The following ZNF503 variants were observed in gnomAD, a reference collection of about 807,000 sequenced individuals.
ZNF503 encodes the protein zinc finger protein 503.
A neutral mutation model predicts 34.4 loss-of-function variants in ZNF503; 15 were observed. The observed-to-expected ratio is 0.44, with a 90% CI of 0.29 to 0.67. The LOEUF (loss-of-function observed/expected upper bound fraction) is 0.67, where lower values mean the gene tolerates loss of function less well. Ranked by LOEUF, ZNF503 falls within the 30% of genes least tolerant of loss-of-function variation. ZNF503 has a pLI of 0.13. For missense variants in ZNF503, 1,007 were observed against 926.8 expected, an observed-to-expected ratio of 1.09 and a Z score of -1.12; for synonymous variants, 580 against 456.8, an observed-to-expected ratio of 1.27 and a Z score of -3.44.
the ZNF503 span, among the ~76,000 whole-genome samples, chr10:75,282,349 C>G: frequency 5.8e-4 from 88 of 152,070 alleles, no homozygotes; most frequent in Middle Eastern, 0.014. Context: ...TTTTTTAAAC[C>G]CTCTTCCCTC....
At chr10:75,351,126 T>TATCCATCAG in the ZNF503 span, among the ~76,000 whole-genome samples, 45,130 of 151,832 alleles carry the variant, frequency 0.3, 7,354 homozygotes, top group South Asian at 0.4. Flanking sequence ...AACAACCTAG[T>TATCCATCAG]ATCCATCAGA....
the ZNF503 span, among the ~76,000 whole-genome samples, chr10:75,319,175 A>G: frequency 2.0e-5 from 3 of 152,122 alleles, no homozygotes; most frequent in Admixed American, 2.0e-4. Flanking sequence ...CATGTTTCCC[A>G]GGCTGGTCTC....
Position 75,401,063 on chromosome 10 carries a change from C to G in ZNF503, c.315+42G>C, listed in dbSNP as rs767431265. ...AAAAAGAAAGCCCTAGGGTGGCAGC[C>G]AGGGTAGTGGTCCCAGTGCGATCCA... On this transcript the variant is annotated intron_variant, in intron 1 of 1. Coordinates refer to ENST00000372524, the MANE Select transcript of ZNF503 (RefSeq NM_032772.6). 1.9e-6 allele frequency: 3 copies of G among 1,612,938 alleles called. No homozygotes were observed. In the South Asian group the frequency reaches 3.3e-5, roughly 18 times the overall value.
chr10:75,392,352 T>TGAG, the ZNF503 span, among the ~76,000 whole-genome samples: 1 of 152,230 alleles, frequency 6.6e-6, no homozygotes, highest in African/African-American at 2.4e-5. Flanking sequence ...AACCCAAGTG[T>TGAG]CCTGGTCCCT....
At chr10:75,383,169 G>A in the ZNF503 span, among the ~76,000 whole-genome samples, 2 of 152,162 alleles carry the variant, frequency 1.3e-5, no homozygotes, top group African/African-American at 4.8e-5. Context: ...AGAAGGTTGG[G>A]CTTTTACACA....
rs921892290 is a variant in ZNF503 at position 75,398,468 on chromosome 10, C to A, written c.*281G>T. On this transcript the variant is annotated 3_prime_UTR_variant, in exon 2 of 2. Coordinates refer to ENST00000372524, the MANE Select transcript of ZNF503 (RefSeq NM_032772.6). ...GATGCAGTCCTCAGATGAACACTTTCTCAATTATTTTTTCCTTTTTTTTTC... is the reference window on the plus strand; with the variant it reads ...GATGCAGTCCTCAGATGAACACTTTATCAATTATTTTTTCCTTTTTTTTTC... The A allele has an allele frequency of 1.3e-4, 42 of 330,154 alleles. No homozygotes were observed. The highest frequency in any genetic ancestry group is 2.0e-4 in the Non-Finnish European group (36 of 183,606). The allele number at this position is 330,154 out of a possible 1,614,324, so 20.5% of individuals were successfully genotyped here.
At chr10:75,296,248 GC>G in the ZNF503 span, 3 of 152,420 alleles carry the variant, frequency 2.0e-5, no homozygotes, top group East Asian at 5.8e-4. Context: ...TAGTTGTCCA[GC>G]CCCTGGGAGG....
chr10:75,317,475 C>T, the ZNF503 span, among the ~76,000 whole-genome samples: 52 of 149,968 alleles, frequency 3.5e-4, no homozygotes, highest in African/African-American at 7.6e-4. Context: ...TTAGAAGAGA[C>T]GGGGTTTCAC....
the ZNF503 span, among the ~76,000 whole-genome samples, chr10:75,321,638 G>A: frequency 2.0e-5 from 3 of 152,194 alleles, no homozygotes; most frequent in Admixed American, 6.5e-5. Context: ...AGAACTTGGA[G>A]GCATTGTGCC....
At chr10:75,330,788 A>C in the ZNF503 span, among the ~76,000 whole-genome samples, 1 of 151,860 alleles carries the variant, frequency 6.6e-6, no homozygotes, top group African/African-American at 2.4e-5. Flanking sequence ...TTATGTTTTT[A>C]AAAAACAAAT....
At chr10:75,295,759 A>G in the ZNF503 span, 1 of 152,220 alleles carries the variant, frequency 6.6e-6, no homozygotes, top group African/African-American at 2.4e-5. The surrounding 1 kb of genome is among the most constrained non-coding windows in gnomAD (Gnocchi z 4.0). Context: ...AGCCAGCATA[A>G]CACATGTTGT....
the ZNF503 span, among the ~76,000 whole-genome samples, chr10:75,361,891 C>T: frequency 6.6e-6 from 1 of 152,154 alleles, no homozygotes; most frequent in Admixed American, 6.5e-5. Context: ...AAAGGGGTTC[C>T]TGGGAAGGAA....
At chr10:75,361,524 A>G in the ZNF503 span, 1 of 152,178 alleles carries the variant, frequency 6.6e-6, no homozygotes, top group Non-Finnish European at 1.5e-5. Flanking sequence ...GGGGTCTTCA[A>G]TACCTCTAGC....
chr10:75,401,278 A>ACGAGCCTGGGCCGGGGC lies in ZNF503; in HGVS notation c.125_141dup (p.Ser48AlafsTer36), dbSNP rs781534277. The ACGAGCCTGGGCCGGGGC allele has an allele frequency of 1.9e-6, 3 of 1,585,486 alleles. No homozygotes were observed. Among genetic ancestry groups the ACGAGCCTGGGCCGGGGC allele is most frequent in the South Asian group, 1.1e-5 (1 of 88,298 alleles). ...AAAGGCTTGGTGCTGCCGGCCGGGG[A>ACGAGCCTGGGCCGGGGC]CGAGCCTGGGCCGGGGCCGGAGCTA... is the stretch of plus-strand genomic sequence containing the variant. On this transcript the variant is annotated frameshift_variant, in exon 1 of 2. Transcript: ENST00000372524. LOFTEE classifies it high-confidence loss of function.
downstream of ZNF503, among the ~76,000 whole-genome samples, chr10:75,396,810 T>C (rs576895304): frequency 6.6e-6 from 1 of 152,086 alleles, no homozygotes; most frequent in Non-Finnish European, 1.5e-5. This position sits in a 1 kb window ranked among gnomAD's most constrained non-coding sequence, Gnocchi z 4.4. Context: ...GCCTGGAGCG[T>C]CTGGGAGGGG....
the ZNF503 span, among the ~76,000 whole-genome samples, chr10:75,316,350 CTTTT>C: frequency 1.4e-5 from 2 of 144,578 alleles, no homozygotes; most frequent in Non-Finnish European, 3.1e-5. Context: ...TTTTCTTTTC[CTTTT>C]TTTTTTTTTC....
At chr10:75,289,786 G>A in the ZNF503 span, among the ~76,000 whole-genome samples, 16 of 152,100 alleles carry the variant, frequency 1.1e-4, no homozygotes, top group Middle Eastern at 6.8e-3. Context: ...GGCTATGCTC[G>A]AACTCCCAGC....
chr10:75,334,507 C>T, the ZNF503 span, among the ~76,000 whole-genome samples: 1 of 152,256 alleles, frequency 6.6e-6, no homozygotes, highest in African/African-American at 2.4e-5. Context: ...AATTATAGTG[C>T]AGATTTGAGG....
chr10:75,382,655 A>G, the ZNF503 span: 1 of 361,068 alleles, frequency 2.8e-6, no homozygotes, highest in Admixed American at 3.7e-5. Context: ...GCAGTCTTCT[A>G]CCTGAGTCCC....
Sources: gnomAD v4.1 joint callset for allele counts (sites outside exome capture counted in the v4.1 genomes callset) on GRCh38, gnomAD v4.1.1 for gene constraint, Gnocchi (gnomAD v3.1) non-coding constraint, MANE v1.5 for transcripts, NCBI Gene and HGNC (gene_info 2026-07-23, HGNC 2026-07-21) for gene names.